Variants in CHD1L observed in about 807,000 individuals in gnomAD.
CHD1L encodes ATP-dependent chromatin remodeler CHD1L.
In CHD1L, 118 loss-of-function variants were observed where a neutral mutation model predicts 115.9. That is an observed-to-expected ratio of 1.02 (90% CI 0.88 to 1.19). The LOEUF (loss-of-function observed/expected upper bound fraction) is 1.19. Among genes scored for constraint, CHD1L ranks in the 50% most tolerant of loss-of-function variants. The pLI is 0.00. For missense variants in CHD1L, 1,179 were observed against 1,065.3 expected (o/e 1.11, Z -1.49); for synonymous variants, 411 against 387.1 (o/e 1.06, Z -0.72).
chr1:147,279,500 T>C (rs1679960872), intron 14 of CHD1L, among the ~76,000 whole-genome samples: 1 of 152,118 alleles, frequency 6.6e-6, no homozygotes, highest in Non-Finnish European at 1.5e-5. Flanking sequence ...TGGTCAGAAG[T>C]TGTTACTGAT....
intron 19 of CHD1L, among the ~76,000 whole-genome samples, chr1:147,290,613 A>G (rs1179157190): frequency 6.6e-6 from 1 of 152,106 alleles, no homozygotes; most frequent in Admixed American, 6.6e-5. Flanking sequence ...TTTATGCATT[A>G]GAACCTTCCC....
intron 9 of CHD1L, 150 bp from the exon 10 acceptor site, chr1:147,268,632 A>G: frequency 5.2e-6 from 3 of 581,020 alleles, no homozygotes; most frequent in Non-Finnish European, 9.4e-6. Context: ...TGGATGTGCT[A>G]GGCTGTGTAA....
At chr1:147,234,169 C>T in the CHD1L span, among the ~76,000 whole-genome samples, 1 of 152,218 alleles carries the variant, frequency 6.6e-6, no homozygotes, top group African/African-American at 2.4e-5. Context: ...CACATTCTCA[C>T]CACCTGATTC....
chr1:147,252,468 G>A (rs1300512082), intron 1 of CHD1L, among the ~76,000 whole-genome samples, 155 bp from the exon 2 acceptor site: 1 of 152,218 alleles, frequency 6.6e-6, no homozygotes, highest in Non-Finnish European at 1.5e-5. Context: ...GTCAGCAGAT[G>A]TTTAGATATC....
chr1:147,265,482 G>A (rs1465344704), intron 7 of CHD1L, among the ~76,000 whole-genome samples: 1 of 152,146 alleles, frequency 6.6e-6, no homozygotes, highest in Non-Finnish European at 1.5e-5. Context: ...GACATCTGGG[G>A]AAAGAAGGGA....
chr1:147,208,746 G>T, the CHD1L span: 1 of 934,854 alleles, frequency 1.1e-6, no homozygotes, highest in Non-Finnish European at 1.7e-6. Context: ...GCCACTGTGG[G>T]TTTTCTTAAT....
At chr1:147,252,117 A>G (rs2102354917) in intron 1 of CHD1L, among the ~76,000 whole-genome samples, 1 of 152,246 alleles carries the variant, frequency 6.6e-6, no homozygotes, top group African/African-American at 2.4e-5. Flanking sequence ...ACAGTTAAAT[A>G]CCCTTTGTGA....
At chr1:147,179,440 T>A in the CHD1L span, 1 of 1,593,228 alleles carries the variant, frequency 6.3e-7, no homozygotes, top group Non-Finnish European at 8.6e-7. Flanking sequence ...TGATGTGCCT[T>A]CTCCATATGA....
chr1:147,289,363 G>A (rs1370447881), intron 19 of CHD1L, among the ~76,000 whole-genome samples: 2 of 152,158 alleles, frequency 1.3e-5, no homozygotes, highest in Non-Finnish European at 2.9e-5. Flanking sequence ...AACCTTGTGC[G>A]GTATTTTGAG....
rs782747786 is a variant in CHD1L, at chr1:147,264,435, TCA to T, written c.591_592del (p.Phe197LeufsTer26). On this transcript the variant is annotated frameshift_variant, in exon 7 of 23. Coordinates refer to ENST00000369258, the MANE Select transcript of CHD1L (RefSeq NM_004284.6). LOFTEE classifies it high-confidence loss of function. ...TATGTATTTGAGTTCTCAGTAGTCT[TCA>T]GTCTCCTGTTGACCGGAACTCCCAT... is the stretch of plus-strand genomic sequence containing the variant. 2 of 1,609,454 alleles carry T rather than the reference TCA, an allele frequency of 1.2e-6. No homozygotes were observed. The highest frequency in any genetic ancestry group is 8.5e-7 in the Non-Finnish European group (1 of 1,177,650).
the CHD1L span, among the ~76,000 whole-genome samples, chr1:147,231,852 G>C: frequency 2.0e-5 from 3 of 152,164 alleles, no homozygotes; most frequent in Non-Finnish European, 4.4e-5. Context: ...GACTAGCAAA[G>C]GGAATTCCCT....
intron 12 of CHD1L, among the ~76,000 whole-genome samples, chr1:147,272,923 G>A (rs1460837762): frequency 1.4e-5 from 2 of 142,394 alleles, no homozygotes; most frequent in Admixed American, 6.9e-5. Flanking sequence ...AAAAAAGGCC[G>A]GCACGGTGGC....
At chr1:147,194,225 G>A in the CHD1L span, among the ~76,000 whole-genome samples, 1 of 152,056 alleles carries the variant, frequency 6.6e-6, no homozygotes, top group Non-Finnish European at 1.5e-5. Flanking sequence ...GGATAGTTAG[G>A]TCTTCTTGTT....
At chr1:147,180,992 G>T in the CHD1L span, among the ~76,000 whole-genome samples, 329 of 152,340 alleles carry the variant, frequency 2.2e-3, 1 homozygote, top group African/African-American at 7.7e-3. Flanking sequence ...AGGGTCTAGA[G>T]ACGAGTATTC....
At chr1:147,192,650 G>C in the CHD1L span, among the ~76,000 whole-genome samples, 1 of 152,100 alleles carries the variant, frequency 6.6e-6, no homozygotes, top group Non-Finnish European at 1.5e-5. Context: ...CTGTGGGTTT[G>C]TCATAGGTAG....
At position 147,294,430 on chromosome 1, in the gene CHD1L, T is replaced by G. The variant is rs782595154; in HGVS notation, c.2528T>G (p.Ile843Ser). Residue 843 changes from isoleucine to serine, a missense_variant, in exon 22 of 23, where the codon ATT becomes AGT. Physicochemically the swap from Ile to Ser is moderately radical, Grantham distance 142. Transcript: ENST00000369258. ...ATAGCAAGTGTTCATCTTCCACGTA[T>G]TGGACATGCCACGAAAGGTTTTAAC... ...KKKASVHLPR[I>S]GHATKGFNWY... is the part of the protein sequence containing the mutation. 3.1e-6 allele frequency: 5 copies of G among 1,612,474 alleles called. No homozygotes were observed. The highest frequency in any genetic ancestry group is 3.4e-6 in the Non-Finnish European group (4 of 1,179,340).
At chr1:147,202,844 CA>C in the CHD1L span, among the ~76,000 whole-genome samples, 1 of 152,120 alleles carries the variant, frequency 6.6e-6, no homozygotes, top group Non-Finnish European at 1.5e-5. Context: ...TATAGTTGCC[CA>C]ACCCACAAAA....
the CHD1L span, among the ~76,000 whole-genome samples, chr1:147,228,109 T>C: frequency 6.6e-6 from 1 of 152,054 alleles, no homozygotes; most frequent in East Asian, 1.9e-4. Context: ...GCAGCACCCA[T>C]TAACTCATCA....
rs782074383 is a variant in CHD1L at position 147,276,068 on chromosome 1, C to G, written c.1386-36C>G. ...ATACTTTTGCCCAGCTTTGCACACC[C>G]TTATAGCACACTACCCTTGTTTGAC... is the stretch of plus-strand genomic sequence containing the variant. On this transcript the variant is annotated intron_variant, in intron 13 of 22. Transcript: ENST00000369258. 1.9e-6 allele frequency: 3 copies of G among 1,611,098 alleles called. No homozygotes were observed. The East Asian group carries it at 6.7e-5, about 36-fold the overall frequency.
Sources: gnomAD v4.1 joint callset for allele counts (sites outside exome capture counted in the v4.1 genomes callset) on GRCh38, gnomAD v4.1.1 for gene constraint, MANE v1.5 for transcripts, NCBI Gene and HGNC (gene_info 2026-07-23, HGNC 2026-07-21) for gene names.